FAM216A: variants seen among roughly 807,000 people sequenced by gnomAD.
FAM216A encodes the protein protein FAM216A.
FAM216A carries 26 observed loss-of-function variants against 37.6 expected under a neutral mutation model. That is an observed-to-expected ratio of 0.69 (90% CI 0.51 to 0.96). FAM216A has a LOEUF of 0.96. FAM216A is among the 40% of genes least tolerant of loss of function. The pLI, the probability that FAM216A is intolerant of heterozygous loss-of-function variation, is 0.00. For synonymous variants in FAM216A, 110 were observed against 121.7 expected, an observed-to-expected ratio of 0.90 and a Z score of 0.64; for missense variants, 326 against 339.3, an observed-to-expected ratio of 0.96 and a Z score of 0.31.
chr12:110,468,824 C>A, upstream of FAM216A: 1 of 1,464,142 alleles, frequency 6.8e-7, no homozygotes. Flanking sequence ...AGCATCCGAG[C>A]CGCCTCTCCG....
intron 2 of FAM216A, among the ~76,000 whole-genome samples, chr12:110,483,431 C>T (rs893287803): frequency 3.3e-5 from 5 of 152,078 alleles, no homozygotes; most frequent in Non-Finnish European, 7.4e-5. Context: ...CTCAGTATGT[C>T]TGAAACTGAA....
At chr12:110,475,805 C>T (rs1257477080) in intron 2 of FAM216A, among the ~76,000 whole-genome samples, 3 of 151,976 alleles carry the variant, frequency 2.0e-5, no homozygotes, top group South Asian at 2.1e-4. Flanking sequence ...GGGATACAAT[C>T]GGCTCACTGC....
chr12:110,471,156 G>A (rs2062685105), intron 1 of FAM216A, among the ~76,000 whole-genome samples: 1 of 151,804 alleles, frequency 6.6e-6, no homozygotes, highest in South Asian at 2.1e-4. Context: ...GTGCAGTGGT[G>A]TGATCTTGGC....
At position 110,482,639 on chromosome 12, in the gene FAM216A, C is replaced by CA. The variant is rs1240326694; in HGVS notation, c.185-2433dup. ...TGAAACCCCGTCTCTACTAAAAATACAAAAAATTAGCCGGGCGCAGTGGCG... is the reference window on the plus strand; with the variant it reads ...TGAAACCCCGTCTCTACTAAAAATACAAAAAAATTAGCCGGGCGCAGTGGCG... On this transcript the variant is annotated intron_variant, in intron 2 of 6. Coordinates refer to ENST00000377673, the MANE Select transcript of FAM216A (RefSeq NM_013300.3). Among the ~76,000 whole-genome samples, 4 of 150,886 alleles carry CA rather than the reference C, an allele frequency of 2.7e-5. No individual in the cohort carries two copies. The East Asian group carries it at 8.0e-4, about 30-fold the overall frequency.
chr12:110,468,834 G>C (rs1414489938), upstream of FAM216A: 7 of 1,472,450 alleles, frequency 4.8e-6, no homozygotes, highest in Non-Finnish European at 4.5e-6. Context: ...CCGCCTCTCC[G>C]GAATACCAGC....
rs747132650 is a variant in FAM216A, at chr12:110,485,065, T to A, written c.185-13T>A. 6.3e-7 allele frequency: 1 copy of A among 1,597,132 alleles called. No homozygotes were observed. The highest frequency in any genetic ancestry group is 8.5e-7 in the Non-Finnish European group (1 of 1,175,338). ...CTTTGCCTCTGAAATTCACATGATGTCTTTGCCTACAGATAGAATCAAAGA... is the reference window on the plus strand; with the variant it reads ...CTTTGCCTCTGAAATTCACATGATGACTTTGCCTACAGATAGAATCAAAGA... On this transcript the variant is annotated splice_polypyrimidine_tract_variant and intron_variant, in intron 2 of 6. Transcript: ENST00000377673.
At chr12:110,469,138 C>T (rs2062662371) in intron 1 of FAM216A, 120 bp downstream of exon 1, 3 of 1,196,060 alleles carry the variant, frequency 2.5e-6, no homozygotes, top group Non-Finnish European at 3.3e-6. Flanking sequence ...GGGCTGGCCC[C>T]GGTGCCCTCA....
chr12:110,490,254 G>T lies in FAM216A; in HGVS notation c.*117G>T, dbSNP rs2062804669. On this transcript the variant is annotated 3_prime_UTR_variant, in exon 7 of 7. Coordinates refer to ENST00000377673, the MANE Select transcript of FAM216A (RefSeq NM_013300.3). ...TTAAATCATTAAGTAATTTTGGTTT[G>T]TTCAGAAACTTAAAACAATGTAATT... 2 of 719,584 alleles carry T rather than the reference G, an allele frequency of 2.8e-6. No homozygotes were observed. Among genetic ancestry groups the T allele is most frequent in the Non-Finnish European group, 2.5e-6 (1 of 401,690 alleles). The allele number at this position is 719,584 out of a possible 1,614,324, so 44.6% of individuals were successfully genotyped here.
intron 2 of FAM216A, among the ~76,000 whole-genome samples, chr12:110,484,359 G>A (rs1429166331): frequency 3.4e-5 from 5 of 145,068 alleles, no homozygotes; most frequent in African/African-American, 1.0e-4. Flanking sequence ...CTGGGGAGGC[G>A]GAGCTTGCAG....
At chr12:110,468,744 G>A (rs1198058032), upstream of FAM216A, 2 of 1,485,882 alleles carry the variant, frequency 1.3e-6, no homozygotes, top group Non-Finnish European at 8.9e-7. Context: ...CCGGGGTCGC[G>A]GATCTGCCCG....
chr12:110,468,973 C>G lies in FAM216A; in HGVS notation c.98C>G (p.Ser33Cys), dbSNP rs2062660100. 6.6e-7 allele frequency: 1 copy of G among 1,512,778 alleles called. No individual in the cohort carries two copies. Among genetic ancestry groups the G allele is most frequent in the Non-Finnish European group, 8.8e-7 (1 of 1,132,100 alleles). The allele number at this position is 1,512,778 out of a possible 1,614,324, so 93.7% of individuals were successfully genotyped here. A position where few individuals can be genotyped will look rare whatever the true frequency, so the allele number is the denominator to read the frequency against. ...PGSDWTERSS[S>C]AEPPAVAGTE... ...TCCGACTGGACGGAGCGTAGCTCTT[C>G]TGCAGAGCCGCCCGCTGTGGCCGGG... Residue 33 changes from serine to cysteine, a missense_variant, in exon 1 of 7, where the codon TCT becomes TGT. Ser to Cys is a moderately radical substitution (Grantham distance 112). Transcript: ENST00000377673.
chr12:110,486,302 A>C, intron 3 of FAM216A, 23 bp from the exon 4 acceptor site: 1 of 1,575,412 alleles, frequency 6.3e-7, no homozygotes, highest in Non-Finnish European at 8.6e-7. Flanking sequence ...GCAGACTATA[A>C]ATCCTCTTAT....
At position 110,473,129 on chromosome 12, in the gene FAM216A, C is replaced by T. The variant is rs2062696200; in HGVS notation, c.184+11C>T. On this transcript the variant is annotated intron_variant, in intron 2 of 6. Transcript: ENST00000377673. Reference sequence around the variant, plus strand: ...ATTCCAAAGGTTCTGGTGAGTAGTGCATATAAAGCAGATAATACTTATAAG... The same window carrying T: ...ATTCCAAAGGTTCTGGTGAGTAGTGTATATAAAGCAGATAATACTTATAAG... 1 of 1,499,892 alleles carries T rather than the reference C, an allele frequency of 6.7e-7. No homozygotes were observed. The highest frequency in any genetic ancestry group is 1.4e-5 in the African/African-American group (1 of 72,318). 92.9% of individuals were successfully genotyped at this position (1,499,892 alleles called of 1,614,324 possible). A position where few individuals can be genotyped will look rare whatever the true frequency, so the allele number is the denominator to read the frequency against.
At chr12:110,483,547 G>A (rs1468206544) in intron 2 of FAM216A, among the ~76,000 whole-genome samples, 1 of 152,110 alleles carries the variant, frequency 6.6e-6, no homozygotes, top group Non-Finnish European at 1.5e-5. Flanking sequence ...AAATACGCTG[G>A]GCATGGTGGC....
chr12:110,473,502 A>C (rs59543734), intron 2 of FAM216A, among the ~76,000 whole-genome samples: 3,260 of 152,258 alleles, frequency 0.021, 126 homozygotes, highest in African/African-American at 0.074. Flanking sequence ...ATGAGCCACC[A>C]CACCCAGCCC....
chr12:110,477,636 G>C (rs993526257), intron 2 of FAM216A, among the ~76,000 whole-genome samples: 1 of 152,006 alleles, frequency 6.6e-6, no homozygotes, highest in African/African-American at 2.4e-5. Flanking sequence ...GATTACAGGC[G>C]TGAGTCAACG....
chr12:110,469,108 C>A (rs1191592191), intron 1 of FAM216A, 90 bp downstream of exon 1: 4 of 1,291,342 alleles, frequency 3.1e-6, no homozygotes, highest in East Asian at 3.1e-5. Flanking sequence ...AGGAGGGCTG[C>A]GGCCGACCTC....
Position 110,468,902 on chromosome 12 carries a change from G to C in FAM216A, c.27G>C (p.Thr9=). 1 of 1,520,382 alleles carries C rather than the reference G, an allele frequency of 6.6e-7. No homozygotes were observed. The highest frequency in any genetic ancestry group is 8.8e-7 in the Non-Finnish European group (1 of 1,136,504). 94.2% of individuals were successfully genotyped at this position (1,520,382 alleles called of 1,614,324 possible). Residue 9 remains threonine, a synonymous_variant, in exon 1 of 7, where the codon ACG becomes ACC. Coordinates refer to ENST00000377673, the MANE Select transcript of FAM216A (RefSeq NM_013300.3). ...TGCTGGGACAGCTGCTCCCGCACAC[G>C]GCTCGCGGTCTCGGCGCCGCGGAGA... MLGQLLPH[T]ARGLGAAEMP...
intron 6 of FAM216A, among the ~76,000 whole-genome samples, chr12:110,488,802 G>A (rs1242119828): frequency 6.6e-6 from 1 of 151,968 alleles, no homozygotes; most frequent in Non-Finnish European, 1.5e-5. Flanking sequence ...TTATAAATTA[G>A]GCACATAAAG....
Sources: allele counts gnomAD v4.1 joint callset (sites outside exome capture counted in the v4.1 genomes callset), GRCh38; gene constraint gnomAD v4.1.1; transcripts MANE v1.5; gene names NCBI Gene and HGNC (gene_info 2026-07-23, HGNC 2026-07-21).